TENM3: variants seen among roughly 807,000 people sequenced by gnomAD.
TENM3 encodes teneurin transmembrane protein 3, also known as teneurin-3.
A neutral mutation model predicts 255.1 loss-of-function variants in TENM3; 63 were observed. The observed-to-expected ratio is 0.25, with a 90% CI of 0.20 to 0.30. The LOEUF (loss-of-function observed/expected upper bound fraction) is 0.30, where lower values mean the gene tolerates loss of function less well. Among genes scored for constraint, TENM3 ranks in the 10% least tolerant of loss-of-function variants. The pLI is 1.00. For synonymous variants in TENM3, 1,306 were observed against 1,322.3 expected (o/e 0.99, Z 0.27); for missense variants, 2,929 against 3,461.1 (o/e 0.85, Z 3.86).
At chr4:182,216,065 G>C (rs1046571507) in intron 1 of TENM3, among the ~76,000 whole-genome samples, 1 of 152,090 alleles carries the variant, frequency 6.6e-6, no homozygotes, top group Non-Finnish European at 1.5e-5. Flanking sequence ...TTTGTTTCGT[G>C]GTTGATTTCT....
intron 1 of TENM3, among the ~76,000 whole-genome samples, chr4:182,300,460 A>G (rs1203692638): frequency 6.6e-6 from 1 of 152,168 alleles, no homozygotes; most frequent in Non-Finnish European, 1.5e-5. Flanking sequence ...GATGTTGGGT[A>G]CATGTTACCA....
At chr4:181,631,290 T>C in the TENM3 span, among the ~76,000 whole-genome samples, 1 of 149,692 alleles carries the variant, frequency 6.7e-6, no homozygotes, top group African/African-American at 2.5e-5. Context: ...GACCCAGTTC[T>C]TTTTTGTTTT....
the TENM3 span, among the ~76,000 whole-genome samples, chr4:181,809,583 T>A: frequency 6.6e-6 from 1 of 152,182 alleles, no homozygotes; most frequent in Non-Finnish European, 1.5e-5. Context: ...GAAAAGATCT[T>A]ATTTTACCAA....
the TENM3 span, among the ~76,000 whole-genome samples, chr4:182,117,447 G>C: frequency 2.0e-5 from 3 of 152,090 alleles, no homozygotes; most frequent in African/African-American, 7.2e-5. Context: ...TTATATATGG[G>C]TCTCTGACCC....
At chr4:182,137,785 A>T in the TENM3 span, among the ~76,000 whole-genome samples, 1 of 152,168 alleles carries the variant, frequency 6.6e-6, no homozygotes, top group African/African-American at 2.4e-5. Context: ...TTTTCAAGGC[A>T]ATTTAAAGCT....
At chr4:181,557,362 G>A in the TENM3 span, among the ~76,000 whole-genome samples, 1 of 152,102 alleles carries the variant, frequency 6.6e-6, no homozygotes, top group African/African-American at 2.4e-5. Flanking sequence ...TATATATGCA[G>A]CCCCATTCCA....
the TENM3 span, among the ~76,000 whole-genome samples, chr4:181,817,532 T>C: frequency 6.6e-6 from 1 of 152,192 alleles, no homozygotes; most frequent in Non-Finnish European, 1.5e-5. Flanking sequence ...GCTGCTATAG[T>C]CAGAATGTGT....
intron 7 of TENM3, among the ~76,000 whole-genome samples, chr4:182,679,186 T>A (rs181063048): frequency 3.3e-5 from 5 of 150,632 alleles, no homozygotes; most frequent in African/African-American, 1.2e-4. Context: ...TCTGCACATG[T>A]ACCCCAGAAC....
At chr4:181,923,185 G>A in the TENM3 span, among the ~76,000 whole-genome samples, 2 of 152,124 alleles carry the variant, frequency 1.3e-5, no homozygotes, top group East Asian at 1.9e-4. Flanking sequence ...TAGGTGTGGT[G>A]CGGTGCTGAA....
intron 3 of TENM3, among the ~76,000 whole-genome samples, chr4:182,518,481 A>T (rs993258842): frequency 2.6e-5 from 4 of 152,272 alleles, no homozygotes; most frequent in African/African-American, 9.6e-5. Context: ...CTTAAAAAAG[A>T]TAAGAAGCAG....
At chr4:182,704,342 G>T (rs1758110109) in intron 12 of TENM3, among the ~76,000 whole-genome samples, 2 of 152,152 alleles carry the variant, frequency 1.3e-5, no homozygotes, top group African/African-American at 4.8e-5. Flanking sequence ...TGCACCTTGA[G>T]TGTTCCACTG....
At chr4:182,403,459 C>A (rs1165526670) in intron 3 of TENM3, among the ~76,000 whole-genome samples, 1 of 152,176 alleles carries the variant, frequency 6.6e-6, no homozygotes, top group Non-Finnish European at 1.5e-5. Flanking sequence ...TAGTGTATAT[C>A]CTACATTATG....
At chr4:181,522,311 G>C in the TENM3 span, among the ~76,000 whole-genome samples, 2 of 151,988 alleles carry the variant, frequency 1.3e-5, no homozygotes, top group Non-Finnish European at 2.9e-5. Context: ...TTGTACACCT[G>C]GTCAAAGAGA....
At chr4:181,797,122 A>G in the TENM3 span, among the ~76,000 whole-genome samples, 1 of 146,430 alleles carries the variant, frequency 6.8e-6, no homozygotes, top group Non-Finnish European at 1.5e-5. Flanking sequence ...GTACATGGGG[A>G]TTTTTCTTTG....
At chr4:181,965,326 A>T in the TENM3 span, among the ~76,000 whole-genome samples, 1 of 152,232 alleles carries the variant, frequency 6.6e-6, no homozygotes, top group East Asian at 1.9e-4. Context: ...TTTGATAAAG[A>T]CAACAAAAGC....
chr4:181,661,293 T>A, the TENM3 span, among the ~76,000 whole-genome samples: 35 of 152,184 alleles, frequency 2.3e-4, no homozygotes, highest in Admixed American at 1.6e-3. Context: ...CCACAACTTA[T>A]TCATCTCATT....
intron 1 of TENM3, among the ~76,000 whole-genome samples, chr4:182,296,243 T>A (rs1341290822): frequency 6.6e-6 from 1 of 152,146 alleles, no homozygotes; most frequent in East Asian, 1.9e-4. Context: ...GATTACAGGC[T>A]ATTTTTTAAG....
chr4:181,574,064 C>A, the TENM3 span, among the ~76,000 whole-genome samples: 6 of 152,168 alleles, frequency 3.9e-5, no homozygotes, highest in Non-Finnish European at 5.9e-5. Flanking sequence ...AAAATTGAAA[C>A]TCCCCGAAGA....
chr4:181,698,494 A>G, the TENM3 span, among the ~76,000 whole-genome samples: 22 of 152,188 alleles, frequency 1.4e-4, no homozygotes, highest in African/African-American at 4.8e-4. Context: ...GCATGCTTTC[A>G]CTGCAGAACT....
Sources: gnomAD v4.1 joint callset for allele counts (sites outside exome capture counted in the v4.1 genomes callset) on GRCh38, gnomAD v4.1.1 for gene constraint, MANE v1.5 for transcripts, NCBI Gene and HGNC (gene_info 2026-07-23, HGNC 2026-07-21) for gene names.